The following PUDP variants were observed in gnomAD, a reference collection of about 807,000 sequenced individuals.
PUDP encodes the protein pseudouridine-5'-phosphatase.
PUDP carries 8 observed loss-of-function variants against 9.4 expected under a neutral mutation model. The ratio of observed to expected loss-of-function variants is 0.85; its 90% CI spans 0.50 to 1.53. PUDP has a LOEUF of 1.53. PUDP is among the 40% of genes most tolerant of loss of function. The pLI is 0.00. For synonymous variants in PUDP, 99 were observed against 80.7 expected, an observed-to-expected ratio of 1.23 and a Z score of -1.22; for missense variants, 188 against 189.7, an observed-to-expected ratio of 0.99 and a Z score of 0.05.
At chrX:7,086,661 C>T (rs1281623988) in intron 2 of PUDP, among the ~76,000 whole-genome samples, 1 of 112,067 alleles carries the variant, frequency 8.9e-6, no homozygotes, top group Non-Finnish European at 1.9e-5. Context: ...TTTTTCTAGG[C>T]CTTCCAAATG....
At chrX:7,000,017 G>C (rs1392128256) in intron 1 of PUDP, among the ~76,000 whole-genome samples, 1 of 109,986 alleles carries the variant, frequency 9.1e-6, no homozygotes, top group Non-Finnish European at 1.9e-5. Context: ...AAGGGAGCTA[G>C]GGAAGGAACA....
chrX:6,814,921 C>CTTTGCCTG (rs1926203459), intron 3 of PUDP, among the ~76,000 whole-genome samples: 1 of 111,639 alleles, frequency 9.0e-6, no homozygotes, highest in South Asian at 3.8e-4. Context: ...TTAGGGACCT[C>CTTTGCCTG]TTTGCCTGTT....
chrX:7,057,848 G>T, intron 3 of PUDP: 2 of 1,055,052 alleles, frequency 1.9e-6, no homozygotes, highest in South Asian at 2.0e-5. Context: ...GGCAGGAAGG[G>T]AACACAGTAG....
chrX:6,989,466 G>A, intron 1 of PUDP: 1 of 161,583 alleles, frequency 6.2e-6, no homozygotes. Context: ...TCGCTGTCAA[G>A]CAACTGGAAG....
At chrX:6,971,459 C>T (rs1459882144) in intron 3 of PUDP, among the ~76,000 whole-genome samples, 15 of 105,801 alleles carry the variant, frequency 1.4e-4, no homozygotes, top group African/African-American at 5.2e-4. Flanking sequence ...CTCTGTCACC[C>T]AGGCTGGAGT....
chrX:7,064,120 C>T (rs1342416327), intron 3 of PUDP, among the ~76,000 whole-genome samples: 3 of 111,056 alleles, frequency 2.7e-5, no homozygotes, highest in Non-Finnish European at 5.7e-5. Flanking sequence ...ACGTATTCAA[C>T]GTTTCTCTTT....
At chrX:7,083,148 T>C (rs908510027) in intron 2 of PUDP, among the ~76,000 whole-genome samples, 1 of 111,870 alleles carries the variant, frequency 8.9e-6, no homozygotes, top group Non-Finnish European at 1.9e-5. Context: ...TCTCCAGAAC[T>C]GGGAGACAGT....
chrX:7,141,889 C>G (rs1342319442), intron 1 of PUDP, among the ~76,000 whole-genome samples: 1 of 112,422 alleles, frequency 8.9e-6, no homozygotes, highest in Non-Finnish European at 1.9e-5. Flanking sequence ...GTAAATGGAA[C>G]AGCAAAGCTT....
chrX:6,897,852 G>A (rs1439004178), intron 3 of PUDP, among the ~76,000 whole-genome samples: 1 of 111,173 alleles, frequency 9.0e-6, no homozygotes, highest in African/African-American at 3.3e-5. Flanking sequence ...TCACCTTAGG[G>A]GTGAGGATTT....
At chrX:7,032,740 G>A (rs1315382820) in intron 1 of PUDP, among the ~76,000 whole-genome samples, 1 of 111,564 alleles carries the variant, frequency 9.0e-6, no homozygotes, top group Non-Finnish European at 1.9e-5. Flanking sequence ...GAAATTTTCT[G>A]GAGTGATGGA....
At chrX:6,906,070 G>A (rs187736867) in intron 3 of PUDP, among the ~76,000 whole-genome samples, 31 of 111,603 alleles carry the variant, frequency 2.8e-4, no homozygotes, top group African/African-American at 8.8e-4. Context: ...TCTTCCATGC[G>A]GCCCTATGCC....
rs752537431 is a variant in PUDP, at chrX:6,875,809, C to T, written c.*247+101324G>A. 3.6e-5 allele frequency among the ~76,000 whole-genome samples: 4 copies of T among 112,398 alleles called. 1 individual carries two copies. The Admixed American group carries it at 3.8e-4, about 11-fold the overall frequency. On this transcript the variant is annotated intron_variant and NMD_transcript_variant, in intron 3 of 3. Coordinates refer to the PUDP transcript ENST00000655425. ...TTCCATCCTTTGCAGTACTGGACTACACACTTGAATGATGTGGAATACATG... is the reference window on the plus strand; with the variant it reads ...TTCCATCCTTTGCAGTACTGGACTATACACTTGAATGATGTGGAATACATG...
intron 1 of PUDP, among the ~76,000 whole-genome samples, chrX:6,995,366 T>C (rs1244842273): frequency 1.8e-5 from 2 of 111,637 alleles, no homozygotes; most frequent in Non-Finnish European, 3.8e-5. Flanking sequence ...TCGAAAGCCT[T>C]TGCAGAAAAG....
intron 1 of PUDP, among the ~76,000 whole-genome samples, chrX:7,007,971 T>C (rs1339460513): frequency 2.7e-5 from 3 of 110,627 alleles, no homozygotes; most frequent in African/African-American, 9.9e-5. Context: ...AAAATTTTTT[T>C]TTTCTTTTTT....
chrX:7,138,433 C>T (rs540273413), intron 1 of PUDP, among the ~76,000 whole-genome samples: 1 of 108,081 alleles, frequency 9.3e-6, no homozygotes, highest in Non-Finnish European at 1.9e-5. Context: ...AGTGCAGTGG[C>T]GTGATCTCAG....
At chrX:6,969,895 G>T (rs1287939874) in intron 3 of PUDP, among the ~76,000 whole-genome samples, 4 of 112,135 alleles carry the variant, frequency 3.6e-5, no homozygotes, top group African/African-American at 1.3e-4. Context: ...AAATTTTTTG[G>T]AAGGTCTGCT....
intron 3 of PUDP, among the ~76,000 whole-genome samples, chrX:6,879,053 T>C (rs1264765567): frequency 9.0e-6 from 1 of 111,684 alleles, no homozygotes; most frequent in Non-Finnish European, 1.9e-5. Context: ...GTGAAAAGTG[T>C]CTATTGAATA....
At chrX:6,991,701 T>A (rs779409749) in intron 1 of PUDP, among the ~76,000 whole-genome samples, 122 of 107,666 alleles carry the variant, frequency 1.1e-3, no homozygotes, top group African/African-American at 4.0e-3. Flanking sequence ...TAAAATAAAA[T>A]TTTAAAAAAT....
chrX:6,790,476 A>G (rs758179764), intron 3 of PUDP, among the ~76,000 whole-genome samples: 13 of 112,630 alleles, frequency 1.2e-4, no homozygotes, highest in Non-Finnish European at 2.1e-4. Context: ...CAATCATCTT[A>G]TGCTCAGACA....
Sources: gnomAD v4.1 joint callset for allele counts (sites outside exome capture counted in the v4.1 genomes callset) on GRCh38, gnomAD v4.1.1 for gene constraint, MANE v1.5 for transcripts, NCBI Gene and HGNC (gene_info 2026-07-23, HGNC 2026-07-21) for gene names.